The following FBXO28 variants were observed in gnomAD, a reference collection of about 807,000 sequenced individuals.
FBXO28 encodes F-box protein 28, also known as F-box only protein 28.
A neutral mutation model predicts 38.1 loss-of-function variants in FBXO28; 8 were observed. The ratio of observed to expected loss-of-function variants is 0.21; its 90% CI spans 0.12 to 0.38. FBXO28 has a LOEUF of 0.38. Ranked by LOEUF, FBXO28 falls within the 10% of genes least tolerant of loss-of-function variation. The pLI is 1.00. For missense variants in FBXO28, 345 were observed against 460.6 expected, an observed-to-expected ratio of 0.75 and a Z score of 2.30; for synonymous variants, 168 against 173.8, an observed-to-expected ratio of 0.97 and a Z score of 0.26.
chr1:224,157,904 GCTT>G lies in FBXO28; in HGVS notation c.*161_*163del. Reference sequence around the variant, plus strand: ...CTTATGGTTGGGACATTCTTTTCCTGCTTCTCCTGATTGAACTGATGCACAGAA... The same window carrying G: ...CTTATGGTTGGGACATTCTTTTCCTGCTCCTGATTGAACTGATGCACAGAA... On this transcript the variant is annotated 3_prime_UTR_variant, in exon 5 of 5. Transcript: ENST00000366862. The G allele has an allele frequency of 1.4e-6, 2 of 1,419,242 alleles. No homozygotes were observed. Among genetic ancestry groups the G allele is most frequent in the Non-Finnish European group, 1.8e-6 (2 of 1,093,726 alleles). 87.9% of individuals were successfully genotyped at this position (1,419,242 alleles called of 1,614,324 possible).
chr1:224,125,818 G>A (rs59314741), intron 1 of FBXO28, among the ~76,000 whole-genome samples: 2,112 of 151,818 alleles, frequency 0.014, 56 homozygotes, highest in African/African-American at 0.048. Context: ...ATTTTTATTT[G>A]GGGGTTCACC....
chr1:224,120,598 C>A (rs1163792339), intron 1 of FBXO28, among the ~76,000 whole-genome samples: 1 of 152,134 alleles, frequency 6.6e-6, no homozygotes, highest in African/African-American at 2.4e-5. Context: ...CGTGGTGGCT[C>A]ACGCCTGTAA....
At chr1:224,154,739 C>T (rs548491679) in intron 4 of FBXO28, among the ~76,000 whole-genome samples, 7 of 150,542 alleles carry the variant, frequency 4.6e-5, no homozygotes, top group South Asian at 2.1e-4. Context: ...ACCCAGGAGG[C>T]GGAGCTTGCA....
chr1:224,122,053 C>T (rs988046507), intron 1 of FBXO28, among the ~76,000 whole-genome samples: 5 of 152,158 alleles, frequency 3.3e-5, no homozygotes, highest in Non-Finnish European at 7.4e-5. Context: ...GGATTACAGG[C>T]GTGAGCCACT....
intron 1 of FBXO28, among the ~76,000 whole-genome samples, chr1:224,123,578 CT>C (rs902771465): frequency 6.6e-6 from 1 of 150,954 alleles, no homozygotes; most frequent in Non-Finnish European, 1.5e-5. Context: ...GTGGTGGTGC[CT>C]TTTTTTTCCC....
In FBXO28 at chr1:224,161,165, TTC is replaced by T. The variant is rs1445657974; in HGVS notation, c.*3423_*3424del. ...CTTGGAGGTAGATTCATTTCTTGAG[TTC>T]TCTGTTTCCTTAGCCATAATATTTT... On this transcript the variant is annotated 3_prime_UTR_variant, in exon 5 of 5. Transcript: ENST00000366862. 6.6e-6 allele frequency: 1 copy of T among 152,230 alleles called. No homozygotes were observed. Among genetic ancestry groups the T allele is most frequent in the Non-Finnish European group, 1.5e-5 (1 of 68,038 alleles). 9.4% of individuals were successfully genotyped at this position (152,230 alleles called of 1,614,324 possible). A position where few individuals can be genotyped will look rare whatever the true frequency, so the allele number is the denominator to read the frequency against.
At position 224,161,828 on chromosome 1, in the gene FBXO28, A is replaced by G. The variant is rs947082851; in HGVS notation, c.*4082A>G. On this transcript the variant is annotated 3_prime_UTR_variant, in exon 5 of 5. Coordinates refer to ENST00000366862, the MANE Select transcript of FBXO28 (RefSeq NM_015176.4). ...TGGTAATCTATTAGGTCCATTGGCA[A>G]AGTATATTGGTCCATATTCAAACCT... is the stretch of plus-strand genomic sequence containing the variant. The G allele has an allele frequency of 4.6e-5, 7 of 152,202 alleles. No individual in the cohort carries two copies. Among genetic ancestry groups the G allele is most frequent in the African/African-American group, 1.4e-4 (6 of 41,444 alleles). 9.4% of individuals were successfully genotyped at this position (152,202 alleles called of 1,614,324 possible). A position where few individuals can be genotyped will look rare whatever the true frequency, so the allele number is the denominator to read the frequency against.
chr1:224,117,172 T>TA (rs1401277127), intron 1 of FBXO28, among the ~76,000 whole-genome samples: 1 of 147,302 alleles, frequency 6.8e-6, no homozygotes, highest in East Asian at 2.0e-4. Flanking sequence ...TGGATTTTTT[T>TA]TTTTTTTTTT....
intron 1 of FBXO28, among the ~76,000 whole-genome samples, chr1:224,121,170 CTTTG>C (rs1656762473): frequency 6.6e-6 from 1 of 152,008 alleles, no homozygotes; most frequent in African/African-American, 2.4e-5. Context: ...ATCAGGGTTC[CTTTG>C]TTTTAGTCAA....
intron 3 of FBXO28, among the ~76,000 whole-genome samples, chr1:224,144,292 C>T (rs999218497): frequency 2.0e-5 from 3 of 148,844 alleles, no homozygotes; most frequent in African/African-American, 5.0e-5. Flanking sequence ...AGGGAGACCT[C>T]GTCTCTACAG....
intron 3 of FBXO28, among the ~76,000 whole-genome samples, chr1:224,143,684 AAATT>A (rs1371392686): frequency 5.3e-5 from 8 of 151,798 alleles, no homozygotes; most frequent in Non-Finnish European, 1.0e-4. Flanking sequence ...ATAAATAAAT[AAATT>A]AGCCAGGCGT....
chr1:224,129,945 G>T (rs981272807), intron 1 of FBXO28, among the ~76,000 whole-genome samples: 1 of 151,954 alleles, frequency 6.6e-6, no homozygotes, highest in African/African-American at 2.4e-5. Flanking sequence ...AGCTAAGATC[G>T]CGCCACTGCG....
chr1:224,142,366 G>A (rs1657377939), intron 3 of FBXO28, among the ~76,000 whole-genome samples: 2 of 145,874 alleles, frequency 1.4e-5, no homozygotes, highest in African/African-American at 2.6e-5. Context: ...AAAAAAAATG[G>A]GGGGACAGGC....
At chr1:224,133,831 AT>A (rs1375635679) in intron 2 of FBXO28, among the ~76,000 whole-genome samples, 10 of 298 alleles carry the variant, frequency 0.034, no homozygotes, top group South Asian at 0.12. Flanking sequence ...TAATTAAAAT[AT>A]ATATATATAT....
At chr1:224,145,463 A>C (rs1193636622) in intron 3 of FBXO28, among the ~76,000 whole-genome samples, 1 of 152,136 alleles carries the variant, frequency 6.6e-6, no homozygotes, top group Non-Finnish European at 1.5e-5. Flanking sequence ...ATTTTCAAGA[A>C]CCTATCAACA....
Position 224,129,792 on chromosome 1 carries a change from AT to A in FBXO28, c.268-679del, listed in dbSNP as rs1656993268. 1.3e-5 allele frequency among the ~76,000 whole-genome samples: 2 copies of A among 152,118 alleles called. 1 individual carries two copies. The highest frequency in any genetic ancestry group is 4.1e-4 in the South Asian group (2 of 4,828). On this transcript the variant is annotated intron_variant, in intron 1 of 4. Transcript: ENST00000366862. ...ATCACAAGGTCAGGAGATCGAGACCATCCTGGCTAACACAGTGAAACCCCGT... is the reference window on the plus strand; with the variant it reads ...ATCACAAGGTCAGGAGATCGAGACCACCTGGCTAACACAGTGAAACCCCGT...
At chr1:224,115,393 G>A (rs928791757) in intron 1 of FBXO28, among the ~76,000 whole-genome samples, 1 of 152,108 alleles carries the variant, frequency 6.6e-6, no homozygotes, top group Admixed American at 6.6e-5. Context: ...TTTTTAAGAG[G>A]ACAAAGATAT....
At chr1:224,146,248 A>T (rs1034764216) in intron 3 of FBXO28, among the ~76,000 whole-genome samples, 5 of 151,858 alleles carry the variant, frequency 3.3e-5, no homozygotes, top group African/African-American at 1.2e-4. Flanking sequence ...AAAAAAAATT[A>T]AAAATAATAT....
intron 4 of FBXO28, 34 bp from the exon 5 acceptor site, chr1:224,157,318 A>C: frequency 1.3e-6 from 2 of 1,546,730 alleles, no homozygotes; most frequent in Non-Finnish European, 1.7e-6. Context: ...GAGACATTTT[A>C]AGTGACTGAC....
Sources: allele counts gnomAD v4.1 joint callset (sites outside exome capture counted in the v4.1 genomes callset), GRCh38; gene constraint gnomAD v4.1.1; transcripts MANE v1.5; gene names NCBI Gene and HGNC (gene_info 2026-07-23, HGNC 2026-07-21).